Variants in COL5A1 observed in about 807,000 individuals in gnomAD.
COL5A1 encodes the protein collagen alpha-1(V) chain.
Under a neutral mutation model 263.7 loss-of-function variants are expected in COL5A1, and 16 were observed. The observed-to-expected ratio is 0.06, with a 90% CI of 0.04 to 0.09. The LOEUF is 0.09. COL5A1 is among the 10% of genes least tolerant of loss of function. The pLI is 1.00. For missense variants in COL5A1, 2,036 were observed against 2,540.5 expected (o/e 0.80, Z 4.27); for synonymous variants, 1,012 against 1,004.5 (o/e 1.01, Z -0.14).
chr9:134,831,158 C>A (rs1240926077), intron 64 of COL5A1, among the ~76,000 whole-genome samples: 1 of 152,228 alleles, frequency 6.6e-6, no homozygotes, highest in Non-Finnish European at 1.5e-5. Flanking sequence ...GCCCCAGCCT[C>A]CCTGGGTGGA....
At chr9:134,763,872 C>T (rs1252554339) in intron 20 of COL5A1, 135 bp downstream of exon 20, 2 of 858,216 alleles carry the variant, frequency 2.3e-6, no homozygotes, top group Non-Finnish European at 1.8e-6. Flanking sequence ...ACAGACGGAC[C>T]TGGGCATCTC....
At chr9:134,687,459 CATCCATCCATCCATT>C (rs1833119412) in intron 1 of COL5A1, among the ~76,000 whole-genome samples, 1 of 149,450 alleles carries the variant, frequency 6.7e-6, no homozygotes, top group African/African-American at 2.5e-5. Flanking sequence ...ATCCATCCAT[CATCCATCCATCCATT>C]CATCCATCCA....
At chr9:134,693,461 A>G (rs544145576) in intron 2 of COL5A1, among the ~76,000 whole-genome samples, 1 of 152,188 alleles carries the variant, frequency 6.6e-6, no homozygotes, top group East Asian at 1.9e-4. Flanking sequence ...GCCTTCTGTG[A>G]ATTAGCTTAC....
At chr9:134,670,674 G>C (rs558157575) in intron 1 of COL5A1, among the ~76,000 whole-genome samples, 172 of 152,266 alleles carry the variant, frequency 1.1e-3, no homozygotes, top group Admixed American at 4.6e-3. Flanking sequence ...CTTAAGAGTG[G>C]AAACTCACAT....
intron 1 of COL5A1, among the ~76,000 whole-genome samples, chr9:134,653,884 TG>T (rs1247559578): frequency 7.4e-6 from 1 of 135,722 alleles, no homozygotes; most frequent in African/African-American, 2.8e-5. Context: ...GTAGGGCTGG[TG>T]TCTGTATGGC....
chr9:134,842,776 G>A lies in COL5A1; in HGVS notation c.*473G>A, dbSNP rs1278319083. ...TAAAGGTCATCCCACCATCACCAAA[G>A]CCTCCGTTTTTAACAACCTCCAACA... On this transcript the variant is annotated 3_prime_UTR_variant, in exon 66 of 66. Coordinates refer to ENST00000371817, the MANE Select transcript of COL5A1 (RefSeq NM_000093.5). This position sits in a 1 kb window ranked among gnomAD's most constrained non-coding sequence, Gnocchi z 5.8. 1 of 199,912 alleles carries A rather than the reference G, an allele frequency of 5.0e-6. No homozygotes were observed. Among genetic ancestry groups the A allele is most frequent in the African/African-American group, 2.3e-5 (1 of 42,914 alleles). The allele number at this position is 199,912 out of a possible 1,614,324, so 12.4% of individuals were successfully genotyped here.
Position 134,731,129 on chromosome 9 carries a change from C to T in COL5A1, c.1165-367C>T, listed in dbSNP as rs377582832. On this transcript the variant is annotated intron_variant, in intron 7 of 65. Transcript: ENST00000371817. ...TAGCCACTGTGTGATGCAGAATCTC[C>T]ACTGCCAGAGAGGACACCTCGTTCC... Among the ~76,000 whole-genome samples, 201 of 152,348 alleles carry T rather than the reference C, an allele frequency of 1.3e-3. 1 individual carries two copies. In the Middle Eastern group the frequency reaches 0.024, roughly 18 times the overall value.
intron 9 of COL5A1, among the ~76,000 whole-genome samples, 193 bp from the exon 10 acceptor site, chr9:134,738,281 C>A (rs1458179832): frequency 6.6e-6 from 1 of 152,206 alleles, no homozygotes; most frequent in Non-Finnish European, 1.5e-5. Flanking sequence ...CTTCTGCCAG[C>A]GAGTGCCAGG....
At chr9:134,715,335 A>G (rs1834223436) in intron 4 of COL5A1, among the ~76,000 whole-genome samples, 1 of 152,168 alleles carries the variant, frequency 6.6e-6, no homozygotes, top group Non-Finnish European at 1.5e-5. Context: ...CCTCTATCTC[A>G]GTAGATGGGA....
intron 34 of COL5A1, 111 bp from the exon 35 acceptor site, chr9:134,796,263 G>A (rs1303851750): frequency 8.4e-7 from 1 of 1,188,458 alleles, no homozygotes; most frequent in East Asian, 2.3e-5. Flanking sequence ...ACCTTCAGGG[G>A]TGCACACAGG....
intron 4 of COL5A1, among the ~76,000 whole-genome samples, chr9:134,710,234 G>T (rs537629840): frequency 3.5e-4 from 53 of 152,356 alleles, no homozygotes; most frequent in African/African-American, 1.3e-3. Context: ...TGGCAGGTGC[G>T]CCGCTGTGTG....
intron 7 of COL5A1, among the ~76,000 whole-genome samples, chr9:134,731,141 G>A (rs537458598): frequency 6.6e-6 from 1 of 152,320 alleles, no homozygotes; most frequent in South Asian, 2.1e-4. Context: ...CTGCCAGAGA[G>A]GACACCTCGT....
chr9:134,758,383 G>A lies in COL5A1; in HGVS notation c.1935+87G>A. 1.4e-6 allele frequency: 2 copies of A among 1,391,880 alleles called. No individual in the cohort carries two copies. The highest frequency in any genetic ancestry group is 2.3e-5 in the South Asian group (2 of 85,944). 86.2% of individuals were successfully genotyped at this position (1,391,880 alleles called of 1,614,324 possible). Reference sequence around the variant, plus strand: ...GCCCTTCTCCTTCCAGGCAGCCTCAGATTTCCTGTGGGGTCAGGTCTCCGC... The same window carrying A: ...GCCCTTCTCCTTCCAGGCAGCCTCAAATTTCCTGTGGGGTCAGGTCTCCGC... On this transcript the variant is annotated intron_variant, in intron 18 of 65. Coordinates refer to ENST00000371817, the MANE Select transcript of COL5A1 (RefSeq NM_000093.5). The surrounding 1 kb of genome is among the most constrained non-coding windows in gnomAD (Gnocchi z 4.1).
chr9:134,767,439 C>A, intron 24 of COL5A1, 85 bp downstream of exon 24: 1 of 1,263,032 alleles, frequency 7.9e-7, no homozygotes, highest in Non-Finnish European at 1.2e-6. Context: ...CCCTGGTATC[C>A]ACCAGCTCTC....
Position 134,818,821 on chromosome 9 carries a change from C to G in COL5A1, c.4339-27C>G. The G allele has an allele frequency of 6.2e-7, 1 of 1,613,098 alleles. No individual in the cohort carries two copies. The highest frequency in any genetic ancestry group is 8.5e-7 in the Non-Finnish European group (1 of 1,179,856). ...GAGTGGAGGGACGGGGGACCAGCAA[C>G]TCATGCAGAGCGTCTCTGTGTTTCA... On this transcript the variant is annotated intron_variant, in intron 55 of 65. Coordinates refer to ENST00000371817, the MANE Select transcript of COL5A1 (RefSeq NM_000093.5). This position sits in a 1 kb window ranked among gnomAD's most constrained non-coding sequence, Gnocchi z 6.0.
At position 134,844,399 on chromosome 9, in the gene COL5A1, C is replaced by T. The variant is rs1171545290; in HGVS notation, c.*2096C>T. ...TTCTGTTTTCATTTCTCATCCCATC[C>T]AATTTGTCCTTTTCTCCTGTCATTT... On this transcript the variant is annotated 3_prime_UTR_variant, in exon 66 of 66. Transcript: ENST00000371817. 6.6e-6 allele frequency: 1 copy of T among 152,650 alleles called. No homozygotes were observed. The highest frequency in any genetic ancestry group is 6.5e-5 in the Admixed American group (1 of 15,278). The allele number at this position is 152,650 out of a possible 1,614,324, so 9.5% of individuals were successfully genotyped here.
chr9:134,674,717 C>T (rs146798631), intron 1 of COL5A1, among the ~76,000 whole-genome samples: 630 of 152,222 alleles, frequency 4.1e-3, no homozygotes, highest in Non-Finnish European at 6.2e-3. Flanking sequence ...AAAACCCTGT[C>T]TCTACGAAAA....
intron 35 of COL5A1, 30 bp from the exon 36 acceptor site, chr9:134,796,818 G>C (rs753944837): frequency 6.2e-7 from 1 of 1,610,632 alleles, no homozygotes; most frequent in Admixed American, 1.7e-5. Flanking sequence ...GAGACCTCTT[G>C]TCCTCAAACT....
In COL5A1 at chr9:134,747,933, A is replaced by ACATGCATT. The variant is rs1352800629; in HGVS notation, c.1495-2605_1495-2598dup. 3.4e-5 allele frequency among the ~76,000 whole-genome samples: 5 copies of ACATGCATT among 148,734 alleles called. 1 individual carries two copies. The East Asian group carries it at 9.7e-4, about 29-fold the overall frequency. The stretch of plus-strand genomic sequence containing the variant: ...CACATGCACACATGCATTCATACAC[A>ACATGCATT]CATGCATTCATACACATGCAGACAC... On this transcript the variant is annotated intron_variant, in intron 11 of 65. Transcript: ENST00000371817.
Sources: allele counts gnomAD v4.1 joint callset (sites outside exome capture counted in the v4.1 genomes callset), GRCh38; gene constraint gnomAD v4.1.1; non-coding constraint Gnocchi (gnomAD v3.1); transcripts MANE v1.5; gene names NCBI Gene and HGNC (gene_info 2026-07-23, HGNC 2026-07-21).